The following PSD3 variants were observed in gnomAD, a reference collection of about 807,000 sequenced individuals.
PSD3 encodes PH and SEC7 domain-containing protein 3.
Under a neutral mutation model 105.5 loss-of-function variants are expected in PSD3, and 49 were observed. The ratio of observed to expected loss-of-function variants is 0.46; its 90% confidence interval spans 0.37 to 0.59. The LOEUF (loss-of-function observed/expected upper bound fraction) is 0.59. PSD3 is among the 20% of genes least tolerant of loss of function. The probability of loss-of-function intolerance (pLI) is 0.00; values close to 1 mark genes in which losing one functional copy is unlikely to be tolerated. For missense variants in PSD3, 1,561 were observed against 1,263.8 expected (o/e 1.24, Z -3.57); for synonymous variants, 557 against 457.8 (o/e 1.22, Z -2.77).
intron 9 of PSD3, among the ~76,000 whole-genome samples, chr8:18,736,852 G>C (rs1804186549): frequency 6.6e-6 from 1 of 152,168 alleles, no homozygotes; most frequent in African/African-American, 2.4e-5. Flanking sequence ...CTGATGATCA[G>C]AAAAATCTTT....
chr8:18,769,117 A>G (rs1465371191), intron 8 of PSD3, among the ~76,000 whole-genome samples: 4 of 152,230 alleles, frequency 2.6e-5, no homozygotes, highest in African/African-American at 9.6e-5. Context: ...AACACATACA[A>G]TGAACAGTCA....
chr8:18,591,032 T>C (rs78646091), intron 12 of PSD3, among the ~76,000 whole-genome samples: 1 of 152,052 alleles, frequency 6.6e-6, no homozygotes, highest in Non-Finnish European at 1.5e-5. Context: ...CCAGCTCCCA[T>C]CTCCCCAATA....
At chr8:18,669,419 G>A (rs981375828) in intron 9 of PSD3, among the ~76,000 whole-genome samples, 5 of 152,120 alleles carry the variant, frequency 3.3e-5, no homozygotes, top group African/African-American at 1.2e-4. Flanking sequence ...TAATAAAATA[G>A]AACAATGATA....
In PSD3 at chr8:18,799,321, G is replaced by A; in HGVS notation, c.2056C>T (p.Leu686Phe). 1 of 1,608,866 alleles carries A rather than the reference G, an allele frequency of 6.2e-7. No homozygotes were observed. The highest frequency in any genetic ancestry group is 8.5e-7 in the Non-Finnish European group (1 of 1,175,526). Residue 686 changes from leucine (L) to phenylalanine (F), a missense_variant, in exon 8 of 16, where the codon CTT (leucine) becomes TTT (phenylalanine). By Grantham distance (22) the Leu-to-Phe change is conservative. Transcript: ENST00000327040. ...GVHCLTCAIMLLNTDLHGHNI... is the reference protein window; with the variant it reads ...GVHCLTCAIMFLNTDLHGHNI... The stretch of plus-strand genomic sequence containing the variant: ...TGGCCATGTAGATCGGTATTAAGAA[G>A]CATTATTGCACAGGTAAGGCAATGG...
intron 8 of PSD3, among the ~76,000 whole-genome samples, chr8:18,797,078 T>G (rs944737331): frequency 2.6e-5 from 4 of 152,162 alleles, no homozygotes; most frequent in African/African-American, 9.6e-5. Flanking sequence ...AAGAATAATT[T>G]ATTTTTAAAA....
intron 1 of PSD3, among the ~76,000 whole-genome samples, chr8:19,048,936 T>C (rs1014369162): frequency 4.6e-5 from 7 of 152,168 alleles, no homozygotes; most frequent in Admixed American, 1.3e-4. Context: ...CTAAAGCCTC[T>C]CTCCTTTGCT....
intron 10 of PSD3, among the ~76,000 whole-genome samples, chr8:18,652,909 C>T (rs67484318): frequency 0.14 from 21,304 of 151,944 alleles, 1,968 homozygotes; most frequent in African/African-American, 0.27. Flanking sequence ...TGCTTTAAGA[C>T]AAAAATAAGA....
At chr8:18,666,882 G>C (rs1347791311) in intron 9 of PSD3, among the ~76,000 whole-genome samples, 2 of 152,190 alleles carry the variant, frequency 1.3e-5, no homozygotes, top group Admixed American at 1.3e-4. Flanking sequence ...ATGCTATTGT[G>C]TCCAGAATTG....
intron 4 of PSD3, among the ~76,000 whole-genome samples, chr8:18,809,427 T>C (rs772123855): frequency 2.2e-4 from 33 of 152,180 alleles, no homozygotes; most frequent in Non-Finnish European, 4.4e-4. Context: ...TCATTGACTC[T>C]GATCACCATG....
chr8:18,765,920 A>G (rs1325905503), intron 8 of PSD3, among the ~76,000 whole-genome samples: 1 of 150,882 alleles, frequency 6.6e-6, no homozygotes. Context: ...GCGAGCGGAG[A>G]TGGTGCCACT....
chr8:18,695,663 C>G (rs187066130), intron 9 of PSD3, among the ~76,000 whole-genome samples: 227 of 152,306 alleles, frequency 1.5e-3, no homozygotes, highest in African/African-American at 4.9e-3. Context: ...CTTGAGGACA[C>G]CAATCTCAAC....
chr8:18,821,717 A>ACACACACACACACACACACACAC (rs1554513425), intron 4 of PSD3, among the ~76,000 whole-genome samples: 1 of 141,120 alleles, frequency 7.1e-6, no homozygotes, highest in Non-Finnish European at 1.5e-5. Flanking sequence ...ACACACACAC[A>ACACACACACACACACACACACAC]CCCCAATAAC....
chr8:19,042,149 T>C (rs1372189849), intron 1 of PSD3, among the ~76,000 whole-genome samples: 1 of 152,204 alleles, frequency 6.6e-6, no homozygotes, highest in African/African-American at 2.4e-5. Flanking sequence ...TTTAAAACGT[T>C]ACATAATAAA....
At chr8:18,575,963 T>A (rs1802438719) in intron 12 of PSD3, among the ~76,000 whole-genome samples, 1 of 152,158 alleles carries the variant, frequency 6.6e-6, no homozygotes, top group Non-Finnish European at 1.5e-5. Context: ...CCCTTCCTCC[T>A]TCCCATATTT....
chr8:18,842,288 G>C (rs547924170), intron 4 of PSD3, among the ~76,000 whole-genome samples: 1 of 152,310 alleles, frequency 6.6e-6, no homozygotes, highest in Admixed American at 6.5e-5. Context: ...CAGTTCCAAA[G>C]TCTACATGGC....
intron 1 of PSD3, among the ~76,000 whole-genome samples, chr8:19,041,027 G>C (rs937021115): frequency 4.3e-4 from 66 of 152,174 alleles, no homozygotes; most frequent in Middle Eastern, 3.4e-3. Flanking sequence ...CAAAGAGCTG[G>C]GACTATAGGT....
intron 9 of PSD3, among the ~76,000 whole-genome samples, chr8:18,686,170 T>C (rs1329207568): frequency 6.6e-6 from 1 of 152,192 alleles, no homozygotes; most frequent in African/African-American, 2.4e-5. Flanking sequence ...TTGACGTTAC[T>C]CCTGTACTGT....
In PSD3 at chr8:18,886,196, A is replaced by G. The variant is rs562641872; in HGVS notation, c.131-13463T>C. 3.1e-4 allele frequency among the ~76,000 whole-genome samples: 47 copies of G among 150,000 alleles called. No homozygotes were observed. The South Asian group carries it at 9.4e-3, about 30-fold the overall frequency. On this transcript the variant is annotated intron_variant, in intron 2 of 15. Coordinates refer to ENST00000327040, the MANE Select transcript of PSD3 (RefSeq NM_015310.4). ...GTGTTCCCAGGAAAGCTTGTGGGGA[A>G]AAAAAAAAGAAAAGAAGTAAGATTA...
intron 9 of PSD3, among the ~76,000 whole-genome samples, chr8:18,728,681 C>A (rs182595983): frequency 3.3e-5 from 5 of 152,230 alleles, no homozygotes; most frequent in African/African-American, 1.2e-4. Flanking sequence ...AGTTACGCTG[C>A]GTGAGCTAAA....
Sources: gnomAD v4.1 joint callset for allele counts (sites outside exome capture counted in the v4.1 genomes callset) on GRCh38, gnomAD v4.1.1 for gene constraint, MANE v1.5 for transcripts, NCBI Gene and HGNC (gene_info 2026-07-23, HGNC 2026-07-21) for gene names.